Variants in SH3RF3 observed in about 807,000 individuals in gnomAD.
The protein encoded by SH3RF3 is SH3 domain containing ring finger 3.
SH3RF3 carries 29 observed loss-of-function variants against 66.3 expected under a neutral mutation model. The observed-to-expected ratio is 0.44, with a 90% CI of 0.33 to 0.60. SH3RF3 has a LOEUF of 0.60. SH3RF3 is among the 20% of genes least tolerant of loss of function. The pLI is 0.04. For synonymous variants in SH3RF3, 583 were observed against 532.0 expected (o/e 1.10, Z -1.32); for missense variants, 1,194 against 1,190.9 (o/e 1.00, Z -0.04).
At chr2:109,396,057 G>T (rs147325654) in intron 3 of SH3RF3, among the ~76,000 whole-genome samples, 1 of 152,142 alleles carries the variant, frequency 6.6e-6, no homozygotes, top group Non-Finnish European at 1.5e-5. Context: ...TGTTTAGAAC[G>T]TGCTCCGATG....
At chr2:109,267,589 C>T (rs1042337590) in intron 1 of SH3RF3, among the ~76,000 whole-genome samples, 21 of 152,282 alleles carry the variant, frequency 1.4e-4, no homozygotes, top group East Asian at 5.8e-4. Flanking sequence ...CCCCGAGTGC[C>T]GGCTGTGATG....
intron 1 of SH3RF3, among the ~76,000 whole-genome samples, chr2:109,270,080 G>A (rs908061857): frequency 3.3e-5 from 5 of 152,224 alleles, no homozygotes; most frequent in African/African-American, 9.7e-5. Flanking sequence ...CTTGGCTGCC[G>A]TGGGGCAGGG....
rs557776302 is a variant in SH3RF3, at chr2:109,503,081, T to C, written c.*1410T>C. The C allele has an allele frequency of 6.6e-6, 1 of 152,262 alleles. No individual in the cohort carries two copies. Among genetic ancestry groups the C allele is most frequent in the East Asian group, 1.9e-4 (1 of 5,170 alleles). 9.4% of individuals were successfully genotyped at this position (152,262 alleles called of 1,614,324 possible). On this transcript the variant is annotated 3_prime_UTR_variant, in exon 10 of 10. Coordinates refer to ENST00000309415, the MANE Select transcript of SH3RF3 (RefSeq NM_001099289.3). ...AGTGGGGCTGATGAATGTATATTCA[T>C]TAGCACCATGGCTCACTTCCCAGGA...
chr2:109,421,603 TGG>T (rs1676880455), intron 5 of SH3RF3, among the ~76,000 whole-genome samples: 1 of 152,208 alleles, frequency 6.6e-6, no homozygotes. Context: ...TCGCCTGCCC[TGG>T]GGGACAGGGT....
At chr2:109,148,660 A>G (rs1295541524) in intron 1 of SH3RF3, among the ~76,000 whole-genome samples, 1 of 152,226 alleles carries the variant, frequency 6.6e-6, no homozygotes, top group Non-Finnish European at 1.5e-5. Context: ...TAAAAATGTG[A>G]AAGGGATAAT....
rs73955573 is a variant in SH3RF3, at chr2:109,396,589, G to C, written c.946-2001G>C. Among the ~76,000 whole-genome samples the C allele has an allele frequency of 8.2e-3, 1,248 of 152,294 alleles. 12 individuals carry two copies. The highest frequency in any genetic ancestry group is 0.028 in the African/African-American group (1,179 of 41,552). On this transcript the variant is annotated intron_variant, in intron 3 of 9. Coordinates refer to ENST00000309415, the MANE Select transcript of SH3RF3 (RefSeq NM_001099289.3). ...GTTTTTGTTTTTTTAACTCATCAAG[G>C]TGCTACCAGCTGCAAATGCTAGTTC...
chr2:109,140,612 A>T (rs1232981612), intron 1 of SH3RF3, among the ~76,000 whole-genome samples: 2 of 151,864 alleles, frequency 1.3e-5, no homozygotes, highest in East Asian at 1.9e-4. Context: ...TGATCTCCTG[A>T]CCTCATGATC....
chr2:109,360,696 A>G (rs1330816143), intron 2 of SH3RF3, among the ~76,000 whole-genome samples: 1 of 152,250 alleles, frequency 6.6e-6, no homozygotes, highest in East Asian at 1.9e-4. Flanking sequence ...ATAATCAAGT[A>G]TTAGTTCTAG....
rs1424033403 is a variant in SH3RF3 at position 109,129,980 on chromosome 2, C to T, written c.440C>T (p.Pro147Leu). 10 of 1,306,858 alleles carry T rather than the reference C, an allele frequency of 7.7e-6. No homozygotes were observed. The highest frequency in any genetic ancestry group is 1.5e-5 in the African/African-American group (1 of 64,552). The allele number at this position is 1,306,858 out of a possible 1,614,324, so 81.0% of individuals were successfully genotyped here. The change falls in exon 1 of 10, where the codon CCC (proline) becomes CTC (leucine). Residue 147 changes from proline to leucine, a missense_variant. Transcript: ENST00000309415. ...ARPIPGQSAA[P>L]TLAGGGGGAA... ...CCCATCCCAGGCCAGAGTGCGGCCC[C>T]CACGCTCGCGGGCGGCGGGGGCGGC...
chr2:109,344,318 CGGG>C (rs1482882735), intron 1 of SH3RF3, among the ~76,000 whole-genome samples: 2 of 151,888 alleles, frequency 1.3e-5, no homozygotes, highest in Non-Finnish European at 2.9e-5. Flanking sequence ...CAGGTGGTGA[CGGG>C]GGAGCAGTGT....
At chr2:109,444,948 A>G (rs1020533540) in intron 7 of SH3RF3, among the ~76,000 whole-genome samples, 4 of 152,252 alleles carry the variant, frequency 2.6e-5, no homozygotes, top group African/African-American at 9.6e-5. Context: ...AAAGAAAAAC[A>G]GGAAGCTATG....
At chr2:109,313,112 G>T (rs1681773626) in intron 1 of SH3RF3, among the ~76,000 whole-genome samples, 1 of 152,190 alleles carries the variant, frequency 6.6e-6, no homozygotes, top group African/African-American at 2.4e-5. Context: ...GGCTCACACT[G>T]TAGGTAATAT....
At chr2:109,470,179 A>C (rs1250568801) in intron 8 of SH3RF3, among the ~76,000 whole-genome samples, 1 of 152,162 alleles carries the variant, frequency 6.6e-6, no homozygotes, top group African/African-American at 2.4e-5. Flanking sequence ...TCTCCTCACC[A>C]AAGGCTCCTG....
chr2:109,265,916 A>T (rs935510315), intron 1 of SH3RF3, among the ~76,000 whole-genome samples: 2 of 152,146 alleles, frequency 1.3e-5, no homozygotes, highest in African/African-American at 4.8e-5. Context: ...GAAGTTTCAG[A>T]GATTGAAGGA....
At chr2:109,296,221 C>CTATTAT (rs111322381) in intron 1 of SH3RF3, among the ~76,000 whole-genome samples, 4,037 of 151,404 alleles carry the variant, frequency 0.027, 185 homozygotes, top group African/African-American at 0.094. Context: ...ACAGAATGAC[C>CTATTAT]TAGTATTATT....
chr2:109,149,537 G>A (rs554784010), intron 1 of SH3RF3, among the ~76,000 whole-genome samples: 3 of 152,292 alleles, frequency 2.0e-5, no homozygotes, highest in South Asian at 2.1e-4. Flanking sequence ...AGGGGAATTC[G>A]CTTGTTTGAC....
chr2:109,146,075 G>A (rs1218797719), intron 1 of SH3RF3, among the ~76,000 whole-genome samples: 1 of 149,232 alleles, frequency 6.7e-6, no homozygotes, highest in Non-Finnish European at 1.5e-5. Flanking sequence ...GAAAAGTGCT[G>A]AGAGAGGTAC....
intron 1 of SH3RF3, among the ~76,000 whole-genome samples, chr2:109,258,121 G>A (rs1203216480): frequency 6.6e-6 from 1 of 152,176 alleles, no homozygotes; most frequent in Non-Finnish European, 1.5e-5. Context: ...CCAGACATTG[G>A]AAACACCAAG....
At chr2:109,383,700 A>G (rs1317291494) in intron 3 of SH3RF3, among the ~76,000 whole-genome samples, 2 of 151,922 alleles carry the variant, frequency 1.3e-5, no homozygotes, top group Admixed American at 6.6e-5. Context: ...TTGCTGCTCA[A>G]CCCCCGCAGA....
Sources: gnomAD v4.1 joint callset for allele counts (sites outside exome capture counted in the v4.1 genomes callset) on GRCh38, gnomAD v4.1.1 for gene constraint, MANE v1.5 for transcripts, NCBI Gene and HGNC (gene_info 2026-07-23, HGNC 2026-07-21) for gene names.